Variants in TBCK observed in about 807,000 individuals in gnomAD.
The protein encoded by TBCK is TBC1 domain containing kinase, also known as TBC domain-containing protein kinase-like protein.
TBCK carries 99 observed loss-of-function variants against 113.4 expected under a neutral mutation model. The ratio of observed to expected loss-of-function variants is 0.87; its 90% CI spans 0.74 to 1.03. The LOEUF (loss-of-function observed/expected upper bound fraction) is 1.03, where lower values mean the gene tolerates loss of function less well. Ranked by LOEUF, TBCK falls within the 50% of genes least tolerant of loss-of-function variation. TBCK has a pLI of 0.00. For synonymous variants in TBCK, 369 were observed against 370.8 expected (o/e 1.00, Z 0.05); for missense variants, 1,045 against 1,061.3 (o/e 0.98, Z 0.21).
intron 5 of TBCK, among the ~76,000 whole-genome samples, chr4:106,256,600 C>T (rs1762015954): frequency 6.6e-6 from 1 of 152,176 alleles, no homozygotes. Context: ...CTCCTGCCTG[C>T]TTCCGGCCCC....
In TBCK at chr4:106,294,096, C is replaced by T. The variant is rs548886623; in HGVS notation, c.266+998G>A. 2.0e-5 allele frequency among the ~76,000 whole-genome samples: 3 copies of T among 152,282 alleles called. No individual in the cohort carries two copies. The South Asian group carries it at 6.2e-4, about 32-fold the overall frequency. On this transcript the variant is annotated intron_variant, in intron 3 of 25. Coordinates refer to ENST00000394708, the MANE Select transcript of TBCK (RefSeq NM_001163435.3). ...TCCAAGCTATGATTAATATTTCTCCCTACTCTTTAATGTGACCTTTATTTA... is the reference window on the plus strand; with the variant it reads ...TCCAAGCTATGATTAATATTTCTCCTTACTCTTTAATGTGACCTTTATTTA...
At chr4:106,279,858 A>C (rs1251731432) in intron 3 of TBCK, among the ~76,000 whole-genome samples, 1 of 152,110 alleles carries the variant, frequency 6.6e-6, no homozygotes, top group East Asian at 1.9e-4. Context: ...GTTGCTTCCA[A>C]ATCTTGGCTA....
At chr4:106,314,866 C>A (rs1211427328) in intron 1 of TBCK, among the ~76,000 whole-genome samples, 2 of 151,872 alleles carry the variant, frequency 1.3e-5, no homozygotes, top group Non-Finnish European at 2.9e-5. Context: ...CTCAGGTGAT[C>A]CACCCGCCTC....
chr4:106,217,808 G>C lies in TBCK; in HGVS notation c.1775-4973C>G, dbSNP rs189345952. Among the ~76,000 whole-genome samples, 6 of 150,216 alleles carry C rather than the reference G, an allele frequency of 4.0e-5. No homozygotes were observed. The East Asian group carries it at 5.9e-4, about 15-fold the overall frequency. On this transcript the variant is annotated intron_variant, in intron 19 of 25. Coordinates refer to ENST00000394708, the MANE Select transcript of TBCK (RefSeq NM_001163435.3). The stretch of plus-strand genomic sequence containing the variant: ...GCCATACTGCCCAAGGTAATTTATA[G>C]ATTCAATGCTATCCCCATAAAGCTA...
At chr4:106,200,155 G>A (rs1754713570) in intron 20 of TBCK, among the ~76,000 whole-genome samples, 2 of 152,186 alleles carry the variant, frequency 1.3e-5, no homozygotes, top group South Asian at 4.1e-4. Context: ...AACTGCTGCT[G>A]CTTTCGCTTG....
intron 3 of TBCK, among the ~76,000 whole-genome samples, chr4:106,264,168 A>G (rs1454918869): frequency 6.6e-6 from 1 of 152,014 alleles, no homozygotes; most frequent in Non-Finnish European, 1.5e-5. Context: ...AGTGGGATAA[A>G]GGAAACCTAC....
rs566716231 is a variant in TBCK, at chr4:106,280,054, C to T, written c.266+15040G>A. Among the ~76,000 whole-genome samples the T allele has an allele frequency of 8.7e-4, 132 of 152,198 alleles. 3 individuals carry two copies. Among genetic ancestry groups the T allele is most frequent in the South Asian group, 8.1e-3 (39 of 4,826 alleles). The stretch of plus-strand genomic sequence containing the variant: ...ATACGAATTTACATTCCACCAATAG[C>T]GTAAAAGGGTTTCCTTTTCTCCACA... On this transcript the variant is annotated intron_variant, in intron 3 of 25. Transcript: ENST00000394708.
rs1476440681 is a variant in TBCK at position 106,315,929 on chromosome 4, G to C, written c.-30+2C>G. The C allele has an allele frequency of 6.5e-6, 1 of 152,748 alleles. No individual in the cohort carries two copies. The allele number at this position is 152,748 out of a possible 1,614,324, so 9.5% of individuals were successfully genotyped here. On this transcript the variant is annotated splice_donor_variant, in intron 1 of 25. Coordinates refer to ENST00000394708, the MANE Select transcript of TBCK (RefSeq NM_001163435.3). LOFTEE classifies it low-confidence loss of function (5UTR_SPLICE). ...GGAAAACTGGATTACCCAAATACCT[G>C]CCTCTGAGTCTGGGGACGCAGGCAA...
intron 10 of TBCK, among the ~76,000 whole-genome samples, chr4:106,246,168 T>C (rs1223061236): frequency 6.6e-6 from 1 of 150,466 alleles, no homozygotes; most frequent in African/African-American, 2.5e-5. Flanking sequence ...TATGCTGCCA[T>C]TGTGCTATAT....
chr4:106,310,919 A>C (rs1052364937), intron 1 of TBCK, among the ~76,000 whole-genome samples: 13 of 152,194 alleles, frequency 8.5e-5, no homozygotes, highest in African/African-American at 3.1e-4. Context: ...CATTACATAA[A>C]ACAAGTTATA....
chr4:106,144,294 G>A (rs959775812), intron 23 of TBCK, among the ~76,000 whole-genome samples: 9 of 152,094 alleles, frequency 5.9e-5, no homozygotes, highest in African/African-American at 1.2e-4. Context: ...GCTCTGTTTC[G>A]AATAAAAGTT....
In TBCK at chr4:106,193,657, A is replaced by G. The variant is rs1245323972; in HGVS notation, c.2011T>C (p.Leu671=). 2 of 1,613,652 alleles carry G rather than the reference A, an allele frequency of 1.2e-6. No homozygotes were observed. The highest frequency in any genetic ancestry group is 3.3e-5 in the Admixed American group (2 of 59,956). The change falls in exon 22 of 26, where the codon TTG becomes CTG. Residue 671 remains leucine, a synonymous_variant. Transcript: ENST00000394708. ...AILQQLRDRL[L]ANGFNECILL... is the part of the protein sequence containing the mutation. ...ATACACTCATTAAAGCCATTAGCCAAAAGCCGGTCCCGCAGCTGCTGAAGA... is the reference window on the plus strand; with the variant it reads ...ATACACTCATTAAAGCCATTAGCCAGAAGCCGGTCCCGCAGCTGCTGAAGA...
At chr4:106,084,161 A>T (rs1002654679) in intron 25 of TBCK, among the ~76,000 whole-genome samples, 1 of 152,142 alleles carries the variant, frequency 6.6e-6, no homozygotes, top group African/African-American at 2.4e-5. Flanking sequence ...ACATGTTCTA[A>T]CCCAATGCAA....
intron 25 of TBCK, among the ~76,000 whole-genome samples, chr4:106,053,440 A>C (rs867175714): frequency 1.3e-5 from 2 of 151,548 alleles, no homozygotes; most frequent in African/African-American, 4.8e-5. Context: ...ACTTTCTTCC[A>C]TTAGCCTTCA....
chr4:106,195,500 G>GTGTGTGTT (rs1754123782), intron 20 of TBCK, among the ~76,000 whole-genome samples: 1 of 151,770 alleles, frequency 6.6e-6, no homozygotes, highest in Non-Finnish European at 1.5e-5. Flanking sequence ...GTTTGTGTGT[G>GTGTGTGTT]TGTGTGTGTT....
intron 25 of TBCK, among the ~76,000 whole-genome samples, chr4:106,079,415 T>C (rs1453866955): frequency 6.6e-6 from 1 of 152,190 alleles, no homozygotes; most frequent in Non-Finnish European, 1.5e-5. Context: ...ATTGTATACC[T>C]AGAAAACCCT....
At chr4:106,056,583 T>G (rs565103669) in intron 25 of TBCK, among the ~76,000 whole-genome samples, 4 of 151,690 alleles carry the variant, frequency 2.6e-5, no homozygotes, top group South Asian at 4.2e-4. Flanking sequence ...TTTTTCATTC[T>G]TCTTCTACTT....
intron 23 of TBCK, among the ~76,000 whole-genome samples, chr4:106,143,339 G>A (rs1388064423): frequency 2.0e-5 from 3 of 152,128 alleles, no homozygotes; most frequent in Non-Finnish European, 2.9e-5. Context: ...TTTCTACATT[G>A]AGAAAAGTGG....
chr4:106,112,675 C>T (rs1028500117), intron 24 of TBCK, among the ~76,000 whole-genome samples: 12 of 152,126 alleles, frequency 7.9e-5, no homozygotes, highest in African/African-American at 1.9e-4. Context: ...ACTTTTTCTC[C>T]GACTTCAGCA....
Sources: gnomAD v4.1 joint callset for allele counts (sites outside exome capture counted in the v4.1 genomes callset) on GRCh38, gnomAD v4.1.1 for gene constraint, MANE v1.5 for transcripts, NCBI Gene and HGNC (gene_info 2026-07-23, HGNC 2026-07-21) for gene names.